Variants in ZNF83 observed in about 807,000 individuals in gnomAD.
ZNF83 encodes zinc finger protein 83.
For synonymous variants in ZNF83, 209 were observed against 213.0 expected (o/e 0.98, Z 0.17); for missense variants, 552 against 629.9 (o/e 0.88, Z 1.32).
intron 1 of ZNF83, among the ~76,000 whole-genome samples, chr19:52,687,674 A>AT: frequency 8.9e-6 from 1 of 112,966 alleles, no homozygotes; most frequent in South Asian, 2.7e-4. Context: ...ATATATATAT[A>AT]ACTAGCCGGG....
intron 1 of ZNF83, among the ~76,000 whole-genome samples, chr19:52,688,460 C>T (rs2062085164): frequency 6.6e-6 from 1 of 151,978 alleles, no homozygotes; most frequent in Non-Finnish European, 1.5e-5. Context: ...AGGCATGAAC[C>T]ACTGTACCCA....
At position 52,655,726 on chromosome 19, in the gene ZNF83, G is replaced by A. The variant is rs2061495824; in HGVS notation, c.-200-39C>T. ...CACATTTCAACAAAACATTAGGGAG[G>A]AGTCATTACCTTCACACAAAATGAG... On this transcript the variant is annotated intron_variant, in intron 2 of 5. Coordinates refer to the ZNF83 transcript ENST00000594682. The A allele has an allele frequency of 1.1e-5, 9 of 822,138 alleles. No individual in the cohort carries two copies. In the South Asian group the frequency reaches 1.3e-4, roughly 12 times the overall value. The allele number at this position is 822,138 out of a possible 1,614,324, so 50.9% of individuals were successfully genotyped here.
At chr19:52,656,251 G>A (rs2061503776) in intron 2 of ZNF83, among the ~76,000 whole-genome samples, 1 of 151,912 alleles carries the variant, frequency 6.6e-6, no homozygotes, top group Admixed American at 6.6e-5. Flanking sequence ...GCCAGGCATG[G>A]GGGCTCACAC....
At chr19:52,630,915 A>G (rs1089758) in intron 2 of ZNF83, among the ~76,000 whole-genome samples, 35,246 of 150,686 alleles carry the variant, frequency 0.23, 4,792 homozygotes, top group East Asian at 0.47. Flanking sequence ...CAGGATCTGC[A>G]CCTTATCAAC....
chr19:52,641,938 G>T (rs2061311762), upstream of ZNF83, among the ~76,000 whole-genome samples: 1 of 152,096 alleles, frequency 6.6e-6, no homozygotes, highest in Non-Finnish European at 1.5e-5. Context: ...TGGAATTGGG[G>T]GGCTTCCGGG....
At chr19:52,624,841 A>T (rs1369739914) in intron 2 of ZNF83, among the ~76,000 whole-genome samples, 1 of 151,832 alleles carries the variant, frequency 6.6e-6, no homozygotes, top group East Asian at 1.9e-4. Flanking sequence ...TAACTTCCCA[A>T]ATCTATTTTC....
chr19:52,613,605 A>G (rs1195653796), exon 3 of ZNF83: 1 of 1,613,442 alleles, frequency 6.2e-7, no homozygotes, highest in Non-Finnish European at 8.5e-7. Context: ...TGCCACACTC[A>G]TTACATTTGT....
At chr19:52,612,994 T>C in exon 3 of ZNF83, 1 of 1,552,852 alleles carries the variant, frequency 6.4e-7, no homozygotes, top group South Asian at 1.2e-5. Flanking sequence ...GCTTTAATGC[T>C]AACTGAACAC....
intron 1 of ZNF83, among the ~76,000 whole-genome samples, chr19:52,690,194 A>C (rs552144905): frequency 5.9e-5 from 9 of 151,716 alleles, no homozygotes; most frequent in East Asian, 3.9e-4. Context: ...AAAAAAAAAA[A>C]AAAACAACAA....
chr19:52,616,126 C>T (rs1338320603), intron 2 of ZNF83, among the ~76,000 whole-genome samples: 1 of 152,266 alleles, frequency 6.6e-6, no homozygotes, highest in African/African-American at 2.4e-5. Context: ...GTGTGAGCCA[C>T]TGCGCCCAGC....
chr19:52,626,837 C>T (rs531155005), intron 2 of ZNF83, among the ~76,000 whole-genome samples: 2 of 152,090 alleles, frequency 1.3e-5, no homozygotes, highest in African/African-American at 2.4e-5. Flanking sequence ...AAATTTTTGC[C>T]ACCCCAACAC....
At chr19:52,624,672 A>G (rs1168296496) in intron 2 of ZNF83, among the ~76,000 whole-genome samples, 1 of 152,114 alleles carries the variant, frequency 6.6e-6, no homozygotes, top group Non-Finnish European at 1.5e-5. Flanking sequence ...GAATTCTTAC[A>G]CAAGGACCAG....
At chr19:52,675,236 C>G (rs1042097492) in intron 1 of ZNF83, among the ~76,000 whole-genome samples, 2 of 152,168 alleles carry the variant, frequency 1.3e-5, no homozygotes, top group Non-Finnish European at 2.9e-5. Flanking sequence ...GGACACCAGG[C>G]CCACAGTGTT....
intron 2 of ZNF83, among the ~76,000 whole-genome samples, chr19:52,656,153 C>T (rs867077602): frequency 4.6e-5 from 7 of 151,922 alleles, no homozygotes; most frequent in African/African-American, 1.5e-4. Context: ...GCAAAGGTTG[C>T]GGTGAGCTGA....
In ZNF83 at chr19:52,666,161, C is replaced by T. The variant is rs201439454; in HGVS notation, c.-282-5318G>A. Reference sequence around the variant, plus strand: ...CCTGGGCAACAGAGCAAGACTCCATCTCAAAAAAAAAAAAAAAGAAAGAGA... The same window carrying T: ...CCTGGGCAACAGAGCAAGACTCCATTTCAAAAAAAAAAAAAAAGAAAGAGA... On this transcript the variant is annotated intron_variant, in intron 1 of 5. Transcript: ENST00000594682. 1.0e-3 allele frequency among the ~76,000 whole-genome samples: 67 copies of T among 67,300 alleles called. 1 individual carries two copies. In the East Asian group the frequency reaches 0.017, roughly 17 times the overall value. The allele number at this position is 67,300 out of a possible 152,430, so 44.2% of individuals were successfully genotyped here.
chr19:52,687,657 A>ATATG (rs780754018), intron 1 of ZNF83, among the ~76,000 whole-genome samples: 1 of 14,972 alleles, frequency 6.7e-5, no homozygotes, highest in Non-Finnish European at 1.2e-4. Context: ...ATATATATAT[A>ATATG]ATGTATATAT....
chr19:52,615,426 C>T lies in ZNF83; in HGVS notation c.-233-629G>A, dbSNP rs183286112. Among the ~76,000 whole-genome samples the T allele has an allele frequency of 7.6e-4, 116 of 152,228 alleles. 1 individual carries two copies. Among genetic ancestry groups the T allele is most frequent in the Middle Eastern group, 3.4e-3 (1 of 292 alleles). On this transcript the variant is annotated intron_variant, in intron 2 of 2. Coordinates refer to ENST00000301096, the Ensembl canonical transcript of ZNF83. Reference sequence around the variant, plus strand: ...GAGTACTTGCTTCCTCTCACTCTGACATATGATAGACACAGCAAGAAGCAG... The same window carrying T: ...GAGTACTTGCTTCCTCTCACTCTGATATATGATAGACACAGCAAGAAGCAG...
At chr19:52,620,731 A>C (rs1056786347) in intron 2 of ZNF83, among the ~76,000 whole-genome samples, 2 of 152,228 alleles carry the variant, frequency 1.3e-5, no homozygotes, top group Non-Finnish European at 2.9e-5. Flanking sequence ...AGATGGTCTG[A>C]GGCAAGCGAA....
In ZNF83 at chr19:52,612,898, A is replaced by G. The variant is rs2060150172; in HGVS notation, c.*116T>C. On this transcript the variant is annotated 3_prime_UTR_variant, in exon 3 of 3. Transcript: ENST00000301096. ...TCTATGGTCTAGCTAACGGTTATTA[A>G]GCCTTGAACAAAAACTAAAGGCTCT... The G allele has an allele frequency of 8.3e-6, 7 of 847,834 alleles. No individual in the cohort carries two copies. The South Asian group carries it at 1.3e-4, about 16-fold the overall frequency. 52.5% of individuals were successfully genotyped at this position (847,834 alleles called of 1,614,324 possible).
Sources: allele counts gnomAD v4.1 joint callset (sites outside exome capture counted in the v4.1 genomes callset), GRCh38; gene constraint gnomAD v4.1.1; transcripts MANE v1.5; gene names NCBI Gene and HGNC (gene_info 2026-07-23, HGNC 2026-07-21).